Variants in GFRAL observed in about 807,000 individuals in gnomAD.
GFRAL encodes GDNF family receptor alpha like.
GFRAL carries 36 observed loss-of-function variants against 45.4 expected under a neutral mutation model. That is an observed-to-expected ratio of 0.79 (90% CI 0.61 to 1.05). The LOEUF (loss-of-function observed/expected upper bound fraction) is 1.05. Among genes scored for constraint, GFRAL ranks in the 50% least tolerant of loss-of-function variants. The pLI is 0.00. For missense variants in GFRAL, 507 were observed against 467.5 expected, an observed-to-expected ratio of 1.08 and a Z score of -0.78; for synonymous variants, 166 against 154.1, an observed-to-expected ratio of 1.08 and a Z score of -0.57.
intron 5 of GFRAL, among the ~76,000 whole-genome samples, chr6:55,353,840 A>G (rs1029337868): frequency 2.6e-5 from 4 of 152,100 alleles, no homozygotes; most frequent in African/African-American, 9.7e-5. Context: ...AATCAATGAA[A>G]TATGAAATCA....
At chr6:55,340,060 C>T (rs1389214486) in intron 3 of GFRAL, among the ~76,000 whole-genome samples, 1 of 152,158 alleles carries the variant, frequency 6.6e-6, no homozygotes, top group Non-Finnish European at 1.5e-5. Context: ...CGATGGACTT[C>T]GTAAAGGACC....
At chr6:55,341,553 T>G (rs1420494552) in intron 3 of GFRAL, among the ~76,000 whole-genome samples, 1 of 151,982 alleles carries the variant, frequency 6.6e-6, no homozygotes, top group Non-Finnish European at 1.5e-5. Context: ...CAAAGGTAGA[T>G]AAAACCACAA....
At chr6:55,379,837 C>T (rs61078627) in intron 6 of GFRAL, among the ~76,000 whole-genome samples, 2,409 of 151,970 alleles carry the variant, frequency 0.016, 70 homozygotes, top group African/African-American at 0.054. Context: ...TAATAATCAT[C>T]CCTCTATTCT....
At chr6:55,398,987 A>T (rs1430617876) in intron 6 of GFRAL, among the ~76,000 whole-genome samples, 193 bp from the exon 7 acceptor site, 3 of 152,110 alleles carry the variant, frequency 2.0e-5, no homozygotes, top group South Asian at 4.1e-4. Context: ...ATACACGGAA[A>T]TTACCTGATT....
intron 6 of GFRAL, among the ~76,000 whole-genome samples, chr6:55,395,175 A>AAAATATATATATATATATATATAT: frequency 3.2e-5 from 4 of 123,510 alleles, no homozygotes; most frequent in African/African-American, 1.4e-4. Context: ...AAAAAAAAAA[A>AAAATATATATATATATATATATAT]ATATATATAT....
intron 5 of GFRAL, 150 bp from the exon 6 acceptor site, chr6:55,358,738 G>T: frequency 1.5e-6 from 1 of 665,856 alleles, no homozygotes; most frequent in South Asian, 2.1e-5. Flanking sequence ...TACCTATGGT[G>T]ATTTTTCAAA....
chr6:55,353,597 T>C (rs1317122702), intron 5 of GFRAL, among the ~76,000 whole-genome samples: 1 of 152,112 alleles, frequency 6.6e-6, no homozygotes, highest in Non-Finnish European at 1.5e-5. Context: ...AAAATACTTT[T>C]TATAATGCAA....
intron 6 of GFRAL, among the ~76,000 whole-genome samples, chr6:55,390,895 TAC>T (rs34769114): frequency 0.12 from 16,605 of 135,402 alleles, 1,328 homozygotes; most frequent in Admixed American, 0.26. Flanking sequence ...CTCACACACA[TAC>T]ACACACACAC....
intron 6 of GFRAL, among the ~76,000 whole-genome samples, chr6:55,362,849 A>C (rs1333333620): frequency 6.6e-6 from 1 of 151,708 alleles, no homozygotes; most frequent in African/African-American, 2.4e-5. Context: ...TAAAAGAAAA[A>C]GGAGAAAGAA....
intron 3 of GFRAL, among the ~76,000 whole-genome samples, chr6:55,343,312 A>G (rs958468633): frequency 1.3e-5 from 2 of 152,220 alleles, no homozygotes; most frequent in Non-Finnish European, 2.9e-5. Flanking sequence ...AAGAACACAA[A>G]TTATAACAAA....
intron 6 of GFRAL, among the ~76,000 whole-genome samples, chr6:55,381,439 G>A (rs1051112668): frequency 1.3e-5 from 2 of 151,778 alleles, no homozygotes; most frequent in Non-Finnish European, 2.9e-5. Flanking sequence ...TGCATTCAAT[G>A]GATAGATGAT....
At chr6:55,330,564 T>C (rs903354386) in intron 1 of GFRAL, among the ~76,000 whole-genome samples, 2 of 152,114 alleles carry the variant, frequency 1.3e-5, no homozygotes, top group Non-Finnish European at 2.9e-5. Flanking sequence ...AAAAGGGTTA[T>C]TCCAGAAGAA....
chr6:55,357,926 C>T (rs949247595), intron 5 of GFRAL, among the ~76,000 whole-genome samples: 5 of 151,760 alleles, frequency 3.3e-5, no homozygotes, highest in African/African-American at 1.2e-4. Flanking sequence ...TAGAAGATAT[C>T]TTATATGTAA....
intron 6 of GFRAL, among the ~76,000 whole-genome samples, chr6:55,366,164 C>G (rs1354906577): frequency 6.6e-6 from 1 of 151,736 alleles, no homozygotes; most frequent in African/African-American, 2.4e-5. Flanking sequence ...CTGGTTTAGT[C>G]TTGGGAGAGT....
At chr6:55,377,792 A>G (rs909691046) in intron 6 of GFRAL, among the ~76,000 whole-genome samples, 3 of 152,070 alleles carry the variant, frequency 2.0e-5, no homozygotes, top group Non-Finnish European at 2.9e-5. Flanking sequence ...ATCCAAAATT[A>G]TTTTTGAATA....
chr6:55,365,207 A>G (rs1768343454), intron 6 of GFRAL, among the ~76,000 whole-genome samples: 1 of 146,934 alleles, frequency 6.8e-6, no homozygotes, highest in African/African-American at 2.6e-5. Context: ...AGCAATTGTG[A>G]ATGGGAGTTC....
chr6:55,334,897 G>T (rs1767872797), intron 3 of GFRAL, among the ~76,000 whole-genome samples: 2 of 152,074 alleles, frequency 1.3e-5, no homozygotes, highest in South Asian at 4.1e-4. Context: ...GTATTTCATT[G>T]TGTGAGTATA....
At chr6:55,360,638 A>G (rs36042935) in intron 6 of GFRAL, among the ~76,000 whole-genome samples, 7,636 of 152,046 alleles carry the variant, frequency 0.05, 290 homozygotes, top group African/African-American at 0.094. Context: ...ATTTCAACTG[A>G]AATCACGATA....
chr6:55,400,138 A>G (rs568365351), intron 8 of GFRAL, among the ~76,000 whole-genome samples: 132 of 115,022 alleles, frequency 1.1e-3, no homozygotes, highest in Admixed American at 1.7e-3. Context: ...AAAATAGTGT[A>G]GACTTGCCTT....
Sources: gnomAD v4.1 joint callset for allele counts (sites outside exome capture counted in the v4.1 genomes callset) on GRCh38, gnomAD v4.1.1 for gene constraint, MANE v1.5 for transcripts, NCBI Gene and HGNC (gene_info 2026-07-23, HGNC 2026-07-21) for gene names.